ARMC3: variants seen among roughly 807,000 people sequenced by gnomAD.
ARMC3 encodes armadillo repeat containing 3.
A neutral mutation model predicts 90.3 loss-of-function variants in ARMC3; 74 were observed. The ratio of observed to expected loss-of-function variants is 0.82; its 90% CI spans 0.68 to 0.99. The LOEUF (loss-of-function observed/expected upper bound fraction) is 0.99. ARMC3 is among the 50% of genes least tolerant of loss of function. ARMC3 has a pLI of 0.00. For synonymous variants in ARMC3, 334 were observed against 361.8 expected, an observed-to-expected ratio of 0.92 and a Z score of 0.87; for missense variants, 958 against 1,042.8, an observed-to-expected ratio of 0.92 and a Z score of 1.12.
At chr10:22,991,206 G>C (rs1010343866) in intron 10 of ARMC3, among the ~76,000 whole-genome samples, 1 of 152,154 alleles carries the variant, frequency 6.6e-6, no homozygotes, top group Non-Finnish European at 1.5e-5. Flanking sequence ...TTACCTTTGA[G>C]CAAGTTTTAG....
At chr10:22,959,721 AT>A in intron 6 of ARMC3, 147 bp downstream of exon 6, 1 of 765,408 alleles carries the variant, frequency 1.3e-6, no homozygotes. Context: ...AGAGAAAAAA[AT>A]AATGGAAGCT....
intron 2 of ARMC3, among the ~76,000 whole-genome samples, chr10:22,944,503 TC>T (rs1351382299): frequency 6.6e-6 from 1 of 152,096 alleles, no homozygotes; most frequent in African/African-American, 2.4e-5. Context: ...CAAATTAATT[TC>T]CCCACTCTCA....
In ARMC3 at chr10:23,008,796, T is replaced by G; in HGVS notation, c.1929-19T>G. 1.3e-6 allele frequency: 2 copies of G among 1,589,456 alleles called. No individual in the cohort carries two copies. The highest frequency in any genetic ancestry group is 2.2e-5 in the East Asian group (1 of 44,580). On this transcript the variant is annotated intron_variant, in intron 15 of 18. Coordinates refer to ENST00000298032, the MANE Select transcript of ARMC3 (RefSeq NM_173081.5). ...TCCATATGATTGAAATTGGTTGTGG[T>G]TTTTTTTCAAATGACAAGAAAAAAT...
intron 10 of ARMC3, among the ~76,000 whole-genome samples, chr10:22,982,619 C>T (rs2131342491): frequency 6.6e-6 from 1 of 152,326 alleles, no homozygotes; most frequent in Non-Finnish European, 1.5e-5. Context: ...GTCTGTCAGA[C>T]TCCAAAGTCT....
At chr10:22,995,888 A>C (rs1836924931) in intron 10 of ARMC3, among the ~76,000 whole-genome samples, 1 of 152,208 alleles carries the variant, frequency 6.6e-6, no homozygotes, top group South Asian at 2.1e-4. Context: ...TTCTGTTTCT[A>C]TCCTGGATGC....
At chr10:22,983,684 A>T (rs865831416) in intron 10 of ARMC3, among the ~76,000 whole-genome samples, 1 of 152,196 alleles carries the variant, frequency 6.6e-6, no homozygotes, top group Non-Finnish European at 1.5e-5. Context: ...TGAGGAGGAT[A>T]TGGAATCAAA....
At chr10:22,970,949 G>A (rs1835656028) in intron 8 of ARMC3, among the ~76,000 whole-genome samples, 1 of 152,186 alleles carries the variant, frequency 6.6e-6, no homozygotes, top group Non-Finnish European at 1.5e-5. Flanking sequence ...GTACATTTCA[G>A]TGGCATTAAA....
intron 18 of ARMC3, among the ~76,000 whole-genome samples, chr10:23,034,096 T>TCTTTCCTATTCC (rs977725143): frequency 2.0e-5 from 3 of 152,306 alleles, no homozygotes; most frequent in Admixed American, 6.5e-5. Context: ...AATTCTATTA[T>TCTTTCCTATTCC]CTTTCCTATT....
intron 2 of ARMC3, among the ~76,000 whole-genome samples, chr10:22,933,196 C>G (rs991126845): frequency 1.3e-5 from 2 of 152,124 alleles, no homozygotes; most frequent in African/African-American, 4.8e-5. Context: ...ACATTGTGAT[C>G]TCATGATGTT....
At chr10:23,028,887 T>A (rs1441469751) in intron 16 of ARMC3, among the ~76,000 whole-genome samples, 2 of 152,230 alleles carry the variant, frequency 1.3e-5, no homozygotes, top group African/African-American at 2.4e-5. Flanking sequence ...TCTGAGCTCC[T>A]TCTTTTCCAT....
chr10:23,023,781 T>C (rs1396861119), intron 16 of ARMC3, among the ~76,000 whole-genome samples: 1 of 152,022 alleles, frequency 6.6e-6, no homozygotes, highest in African/African-American at 2.4e-5. Context: ...GACAGAGCAG[T>C]AGAATTCACT....
At position 22,946,047 on chromosome 10, in the gene ARMC3, C is replaced by A. The variant is rs1168759418; in HGVS notation, c.49-97C>A. ...TTGGGCAGTGACCACATCCTTTTTG[C>A]AAGATTACATTTTCTTTAAGTTTTA... is the stretch of plus-strand genomic sequence containing the variant. On this transcript the variant is annotated intron_variant, in intron 2 of 18. Transcript: ENST00000298032. 10 of 870,292 alleles carry A rather than the reference C, an allele frequency of 1.1e-5. No individual in the cohort carries two copies. In the African/African-American group the frequency reaches 1.5e-4, roughly 13 times the overall value. The allele number at this position is 870,292 out of a possible 1,614,324, so 53.9% of individuals were successfully genotyped here.
At chr10:22,984,145 A>T (rs184499157) in intron 10 of ARMC3, among the ~76,000 whole-genome samples, 2 of 152,228 alleles carry the variant, frequency 1.3e-5, no homozygotes, top group Middle Eastern at 3.2e-3. Context: ...AAAAATGCAC[A>T]TAAGTGTTGC....
At chr10:23,035,221 C>G (rs1839079402) in intron 18 of ARMC3, among the ~76,000 whole-genome samples, 1 of 152,118 alleles carries the variant, frequency 6.6e-6, no homozygotes. Flanking sequence ...TCTCCTGTCT[C>G]TTATTATAGG....
In ARMC3 at chr10:23,030,768, A is replaced by G; in HGVS notation, c.2218A>G (p.Ile740Val). The change falls in exon 17 of 19, where the codon ATT (isoleucine) becomes GTT (valine). Residue 740 changes from isoleucine to valine, a missense_variant. Physicochemically the swap from Ile to Val is conservative, Grantham distance 29. Coordinates refer to ENST00000298032, the MANE Select transcript of ARMC3 (RefSeq NM_173081.5). ...VTKSILPITNIKEQIEDLAKY... is the reference protein window; with the variant it reads ...VTKSILPITNVKEQIEDLAKY... ...CAAATCAATACTGCCAATAACCAAT[A>G]TTAAGGAACAGATTGAGGATCTGGC... 3.1e-6 allele frequency: 5 copies of G among 1,613,636 alleles called. No homozygotes were observed. The highest frequency in any genetic ancestry group is 2.2e-5 in the East Asian group (1 of 44,840).
intron 18 of ARMC3, among the ~76,000 whole-genome samples, chr10:23,035,914 C>G (rs1839108573): frequency 6.6e-6 from 1 of 152,148 alleles, no homozygotes; most frequent in African/African-American, 2.4e-5. Flanking sequence ...ACAAAGAAAA[C>G]AGGGAGTTTC....
intron 16 of ARMC3, chr10:23,014,430 T>C (rs1838173112): frequency 3.6e-6 from 4 of 1,106,428 alleles, no homozygotes; most frequent in Non-Finnish European, 4.4e-6. Context: ...GTCTTATGAC[T>C]ATTAAAACTT....
At chr10:22,974,611 A>G (rs986321482) in intron 8 of ARMC3, among the ~76,000 whole-genome samples, 2 of 150,514 alleles carry the variant, frequency 1.3e-5, no homozygotes, top group Admixed American at 6.7e-5. Flanking sequence ...GAGGTTATAG[A>G]TTCCCCTCTC....
At chr10:22,939,971 C>T (rs1484512312) in intron 2 of ARMC3, among the ~76,000 whole-genome samples, 1 of 152,056 alleles carries the variant, frequency 6.6e-6, no homozygotes, top group East Asian at 1.9e-4. Flanking sequence ...CCTAATATTC[C>T]AACAAAAAGT....
Sources: gnomAD v4.1 joint callset for allele counts (sites outside exome capture counted in the v4.1 genomes callset) on GRCh38, gnomAD v4.1.1 for gene constraint, MANE v1.5 for transcripts, NCBI Gene and HGNC (gene_info 2026-07-23, HGNC 2026-07-21) for gene names.